The following DDX25 variants were observed in gnomAD, a reference collection of about 807,000 sequenced individuals.
The protein encoded by DDX25 is DEAD-box helicase 25, also known as ATP-dependent RNA helicase DDX25.
In DDX25, 70 loss-of-function variants were observed where a neutral mutation model predicts 64.6. The observed-to-expected ratio is 1.08, with a 90% CI of 0.89 to 1.32. The LOEUF (loss-of-function observed/expected upper bound fraction) is 1.32. DDX25 is among the 40% of genes most tolerant of loss of function. The pLI is 0.00. For missense variants in DDX25, 587 were observed against 604.4 expected (o/e 0.97, Z 0.30); for synonymous variants, 211 against 213.3 (o/e 0.99, Z 0.09).
chr11:125,910,274 C>A, intron 6 of DDX25, 90 bp from the exon 7 acceptor site: 2 of 1,012,508 alleles, frequency 2.0e-6, no homozygotes, highest in Non-Finnish European at 3.1e-6. Flanking sequence ...CCTTTCTGTG[C>A]CTCTCCCTGT....
intron 10 of DDX25, 111 bp downstream of exon 10, chr11:125,918,901 C>A: frequency 7.9e-7 from 1 of 1,265,096 alleles, no homozygotes; most frequent in Non-Finnish European, 1.1e-6. Context: ...GCAGCTATCA[C>A]TGTCATCAAA....
chr11:125,920,391 C>T (rs1945094801), intron 10 of DDX25, among the ~76,000 whole-genome samples: 1 of 151,464 alleles, frequency 6.6e-6, no homozygotes, highest in South Asian at 2.1e-4. Context: ...GAGCCAAGAT[C>T]GTGCCACTGC....
chr11:125,912,658 C>G (rs1296330326), intron 8 of DDX25, among the ~76,000 whole-genome samples: 1 of 152,072 alleles, frequency 6.6e-6, no homozygotes, highest in South Asian at 2.1e-4. Context: ...TCCACAGATG[C>G]AGAGCCCACA....
At position 125,905,477 on chromosome 11, in the gene DDX25, A is replaced by G. The variant is rs962375546; in HGVS notation, c.131-76A>G. 6.7e-5 allele frequency: 100 copies of G among 1,486,584 alleles called. No homozygotes were observed. The African/African-American group carries it at 1.1e-3, about 16-fold the overall frequency. 92.1% of individuals were successfully genotyped at this position (1,486,584 alleles called of 1,614,324 possible). On this transcript the variant is annotated intron_variant, in intron 2 of 11. Transcript: ENST00000263576. ...GTAGACACTGAAGAGTCAGGAAGAAAAAATTGAATAGCATGCTTTACATTT... is the reference window on the plus strand; with the variant it reads ...GTAGACACTGAAGAGTCAGGAAGAAGAAATTGAATAGCATGCTTTACATTT...
chr11:125,908,235 T>C lies in DDX25; in HGVS notation c.351T>C (p.Phe117=). ...TAAAAGGAATCTATGCAATGGGATT[T>C]AATAGGCCATCTAAAATCCAAGAGA... ...ELLKGIYAMG[F]NRPSKIQEMA... is the part of the protein sequence containing the mutation. The change falls in exon 5 of 12, where the codon TTT becomes TTC. Residue 117 remains phenylalanine (F), a synonymous_variant. Coordinates refer to ENST00000263576, the MANE Select transcript of DDX25 (RefSeq NM_013264.5). 6.2e-7 allele frequency: 1 copy of C among 1,612,654 alleles called. No homozygotes were observed. The highest frequency in any genetic ancestry group is 1.1e-5 in the South Asian group (1 of 90,794).
chr11:125,910,210 A>G (rs2272103), intron 6 of DDX25, among the ~76,000 whole-genome samples, 154 bp from the exon 7 acceptor site: 1 of 151,936 alleles, frequency 6.6e-6, no homozygotes. Context: ...AAATCTGTCA[A>G]CTATTAAACT....
At chr11:125,913,752 A>G (rs1353030419) in intron 8 of DDX25, among the ~76,000 whole-genome samples, 2 of 151,852 alleles carry the variant, frequency 1.3e-5, no homozygotes, top group Non-Finnish European at 2.9e-5. Flanking sequence ...GCACCCTTTC[A>G]TTCTCAAAAC....
chr11:125,910,586 A>C, intron 7 of DDX25, 108 bp downstream of exon 7: 1 of 898,048 alleles, frequency 1.1e-6, no homozygotes. Context: ...GGGGGAAATA[A>C]TACCACTCAT....
chr11:125,913,672 G>T (rs2134279499), intron 8 of DDX25, among the ~76,000 whole-genome samples: 3 of 149,486 alleles, frequency 2.0e-5, no homozygotes, highest in East Asian at 2.0e-4. Flanking sequence ...TTTCTTTATG[G>T]TATTCTGAAA....
At chr11:125,919,357 G>A (rs1945081696) in intron 10 of DDX25, among the ~76,000 whole-genome samples, 1 of 152,156 alleles carries the variant, frequency 6.6e-6, no homozygotes, top group Non-Finnish European at 1.5e-5. Context: ...AGCTTTATAA[G>A]AAGCTGTAAA....
At chr11:125,910,589 C>T in intron 7 of DDX25, 111 bp downstream of exon 7, 2 of 872,780 alleles carry the variant, frequency 2.3e-6, no homozygotes, top group Non-Finnish European at 3.7e-6. Flanking sequence ...GGAAATAATA[C>T]CACTCATGTC....
chr11:125,912,617 TC>T (rs1944981108), intron 8 of DDX25, among the ~76,000 whole-genome samples: 2 of 152,232 alleles, frequency 1.3e-5, no homozygotes, highest in Non-Finnish European at 2.9e-5. Context: ...CACAATTTTT[TC>T]CAAATATTTT....
rs932239328 is a variant in DDX25 at position 125,927,602 on chromosome 11, A to G, written c.*4721A>G. 1.3e-5 allele frequency: 2 copies of G among 152,110 alleles called. No individual in the cohort carries two copies. Among genetic ancestry groups the G allele is most frequent in the South Asian group, 2.1e-4 (1 of 4,828 alleles). 9.4% of individuals were successfully genotyped at this position (152,110 alleles called of 1,614,324 possible). On this transcript the variant is annotated 3_prime_UTR_variant, in exon 12 of 12. Transcript: ENST00000263576. ...CCTATTTTGAGCTTAACATTTTTCT[A>G]TTGCTAGAAAGAATGGTACTGCCTC...
chr11:125,908,124 C>T, intron 4 of DDX25, 72 bp from the exon 5 acceptor site: 1 of 1,244,170 alleles, frequency 8.0e-7, no homozygotes, highest in Non-Finnish European at 1.1e-6. Flanking sequence ...TAGAAATGCA[C>T]CTTTCAGGTA....
At chr11:125,908,312 T>G in intron 5 of DDX25, 24 bp downstream of exon 5, 2 of 1,613,284 alleles carry the variant, frequency 1.2e-6, no homozygotes, top group Non-Finnish European at 1.7e-6. Flanking sequence ...GTAGTGGTAT[T>G]CTACTTGGTT....
Position 125,921,341 on chromosome 11 carries a change from A to G in DDX25, c.1352A>G (p.Asp451Gly), listed in dbSNP as rs774954753. ...KGLAFNMIEV[D>G]ELPSLMKIQD... The stretch of plus-strand genomic sequence containing the variant: ...CTTGCCTTCAACATGATTGAAGTAG[A>G]TGAGCTGCCCTCGCTCATGAAAATC... The change falls in exon 11 of 12, where the codon GAT (aspartate) becomes GGT (glycine). Residue 451 changes from aspartate to glycine, a missense_variant. Coordinates refer to ENST00000263576, the MANE Select transcript of DDX25 (RefSeq NM_013264.5). This position sits in a 1 kb window ranked among gnomAD's most constrained non-coding sequence, Gnocchi z 4.1. The G allele has an allele frequency of 1.2e-6, 2 of 1,613,894 alleles. No individual in the cohort carries two copies. The highest frequency in any genetic ancestry group is 2.7e-5 in the African/African-American group (2 of 75,040).
upstream of DDX25, chr11:125,904,299 CCCTCCGCCCCGCTCTCT>C: frequency 2.7e-6 from 1 of 373,040 alleles, no homozygotes; most frequent in South Asian, 1.3e-4. Flanking sequence ...CCGCTCTCTG[CCCTCCGCCCCGCTCTCT>C]GCCCCCCGCC....
chr11:125,908,613 G>A, intron 6 of DDX25, 110 bp downstream of exon 6: 4 of 1,092,988 alleles, frequency 3.7e-6, no homozygotes, highest in Non-Finnish European at 4.1e-6. Flanking sequence ...GAAATATTTA[G>A]AAAAGACATG....
At chr11:125,922,572 C>T (rs181758721) in intron 11 of DDX25, 118 of 399,188 alleles carry the variant, frequency 3.0e-4, no homozygotes, top group African/African-American at 2.2e-3. Flanking sequence ...CTCAGTCCCT[C>T]CCAGGCTCTC....
Sources: allele counts gnomAD v4.1 joint callset (sites outside exome capture counted in the v4.1 genomes callset), GRCh38; gene constraint gnomAD v4.1.1; non-coding constraint Gnocchi (gnomAD v3.1); transcripts MANE v1.5; gene names NCBI Gene and HGNC (gene_info 2026-07-23, HGNC 2026-07-21).